The following RGS20 variants were observed in gnomAD, a reference collection of about 807,000 sequenced individuals.
RGS20 encodes regulator of G protein signaling 20.
RGS20 carries 30 observed loss-of-function variants against 33.6 expected under a neutral mutation model. The observed-to-expected ratio is 0.89, with a 90% CI of 0.67 to 1.21. The LOEUF (loss-of-function observed/expected upper bound fraction) is 1.21, where lower values mean the gene tolerates loss of function less well. RGS20 is among the 50% of genes most tolerant of loss of function. The probability of loss-of-function intolerance (pLI) is 0.00; values close to 1 mark genes in which losing one functional copy is unlikely to be tolerated. For missense variants in RGS20, 472 were observed against 502.4 expected (o/e 0.94, Z 0.58); for synonymous variants, 208 against 197.9 (o/e 1.05, Z -0.43).
chr8:53,929,629 T>C (rs1174372030), intron 2 of RGS20, among the ~76,000 whole-genome samples: 1 of 152,136 alleles, frequency 6.6e-6, no homozygotes, highest in Non-Finnish European at 1.5e-5. Context: ...GATCGCACCA[T>C]TGCACTCCAG....
At chr8:53,899,718 G>C (rs1186993608) in intron 2 of RGS20, among the ~76,000 whole-genome samples, 1 of 152,184 alleles carries the variant, frequency 6.6e-6, no homozygotes, top group East Asian at 1.9e-4. Flanking sequence ...TGTTTGCACA[G>C]TTCAGCCATG....
chr8:53,912,464 T>C (rs1813372366), intron 2 of RGS20, among the ~76,000 whole-genome samples: 1 of 152,124 alleles, frequency 6.6e-6, no homozygotes, highest in Admixed American at 6.5e-5. Flanking sequence ...AATTTTAATA[T>C]TTATTCTTGA....
At chr8:53,858,490 A>T (rs1194663869) in intron 1 of RGS20, among the ~76,000 whole-genome samples, 1 of 148,116 alleles carries the variant, frequency 6.8e-6, no homozygotes. Context: ...ATATATATAC[A>T]TATATATATA....
chr8:53,856,496 G>A (rs187475122), intron 1 of RGS20, among the ~76,000 whole-genome samples: 7 of 152,280 alleles, frequency 4.6e-5, no homozygotes, highest in Middle Eastern at 3.4e-3. Flanking sequence ...TGAGATTACA[G>A]GCGTGAGCCA....
In RGS20 at chr8:53,879,419, C is replaced by T. The variant is rs1812288995; in HGVS notation, c.327C>T (p.Pro109=). 2 of 1,608,252 alleles carry T rather than the reference C, an allele frequency of 1.2e-6. No individual in the cohort carries two copies. Among genetic ancestry groups the T allele is most frequent in the Non-Finnish European group, 1.7e-6 (2 of 1,178,100 alleles). The stretch of plus-strand genomic sequence containing the variant: ...GCCTGGACTTCTCCCCCCTGCTTCC[C>T]GCCCTGCCGGCCGCCCGGCTCTCGA... Residue 109 remains proline (P), a synonymous_variant, in exon 2 of 6, where the codon CCC becomes CCT. Coordinates refer to ENST00000297313, the MANE Select transcript of RGS20 (RefSeq NM_170587.4).
At chr8:53,864,972 A>G (rs1461459677) in intron 1 of RGS20, among the ~76,000 whole-genome samples, 1 of 152,208 alleles carries the variant, frequency 6.6e-6, no homozygotes, top group African/African-American at 2.4e-5. Context: ...GTCCAACTCA[A>G]AGAAATCAAT....
intron 1 of RGS20, among the ~76,000 whole-genome samples, chr8:53,872,950 A>G (rs1463410822): frequency 6.6e-6 from 1 of 152,082 alleles, no homozygotes; most frequent in Non-Finnish European, 1.5e-5. Context: ...TGTAGTTCAG[A>G]TGTTGTCTCC....
intron 1 of RGS20, among the ~76,000 whole-genome samples, chr8:53,867,517 C>T (rs150767165): frequency 9.2e-5 from 14 of 152,262 alleles, no homozygotes; most frequent in East Asian, 1.9e-4. Flanking sequence ...CATTACTTGA[C>T]GCAGATCCTG....
At chr8:53,911,795 G>T (rs1312091421) in intron 2 of RGS20, among the ~76,000 whole-genome samples, 1 of 152,060 alleles carries the variant, frequency 6.6e-6, no homozygotes, top group Non-Finnish European at 1.5e-5. Context: ...AAAAAAATTA[G>T]CTGGTCATGG....
chr8:53,929,788 C>A (rs1011503955), intron 2 of RGS20, among the ~76,000 whole-genome samples: 3 of 152,204 alleles, frequency 2.0e-5, no homozygotes, highest in African/African-American at 7.2e-5. Flanking sequence ...CATTAAAATT[C>A]TTCCAGACAT....
chr8:53,949,734 A>ATCAG (rs1814656306), intron 4 of RGS20, among the ~76,000 whole-genome samples: 1 of 152,006 alleles, frequency 6.6e-6, no homozygotes, highest in Non-Finnish European at 1.5e-5. Flanking sequence ...CAATCAATCA[A>ATCAG]TAAAGGGAGA....
At chr8:53,890,186 T>C (rs1398387340) in intron 2 of RGS20, among the ~76,000 whole-genome samples, 4 of 152,244 alleles carry the variant, frequency 2.6e-5, no homozygotes, top group African/African-American at 9.6e-5. Context: ...GAATATTTTC[T>C]GTTGACCTGT....
chr8:53,886,465 A>T (rs1165058279), intron 2 of RGS20, among the ~76,000 whole-genome samples: 2 of 152,240 alleles, frequency 1.3e-5, no homozygotes, highest in Non-Finnish European at 2.9e-5. Flanking sequence ...GATATTTTAC[A>T]TGAGTTATTT....
intron 2 of RGS20, among the ~76,000 whole-genome samples, chr8:53,882,779 C>G (rs1324808581): frequency 6.6e-6 from 1 of 152,190 alleles, no homozygotes; most frequent in African/African-American, 2.4e-5. Flanking sequence ...CCCTCGCCCA[C>G]TGGCTAGCGG....
Position 53,874,312 on chromosome 8 carries a change from A to G in RGS20, c.166-4946A>G, listed in dbSNP as rs1812143854. 3.9e-5 allele frequency among the ~76,000 whole-genome samples: 6 copies of G among 152,092 alleles called. No homozygotes were observed. The South Asian group carries it at 1.2e-3, about 32-fold the overall frequency. On this transcript the variant is annotated intron_variant, in intron 1 of 5. Transcript: ENST00000297313. ...AAATATGGCAAACGGAAGGAGAAAG[A>G]TCAGTGAAAGGTGTGCATTAGTCAA...
At chr8:53,879,611 C>T (rs1290583786) in intron 2 of RGS20, 6 of 1,477,336 alleles carry the variant, frequency 4.1e-6, no homozygotes, top group South Asian at 2.8e-5. Context: ...CGGTGAGTAC[C>T]GTGGTCTCCA....
intron 1 of RGS20, among the ~76,000 whole-genome samples, chr8:53,854,438 G>C (rs1380698676): frequency 6.6e-6 from 1 of 152,080 alleles, no homozygotes; most frequent in East Asian, 1.9e-4. Context: ...TTTTACTGAA[G>C]AGAATATGCA....
At chr8:53,948,470 T>C (rs1347916983) in intron 4 of RGS20, among the ~76,000 whole-genome samples, 5 of 137,556 alleles carry the variant, frequency 3.6e-5, no homozygotes, top group Admixed American at 7.6e-5. Context: ...TGATACAGTA[T>C]ATATTTACAT....
At chr8:53,915,636 C>A (rs1813462364) in intron 2 of RGS20, among the ~76,000 whole-genome samples, 1 of 152,210 alleles carries the variant, frequency 6.6e-6, no homozygotes, top group South Asian at 2.1e-4. Flanking sequence ...ACCAGGCCCT[C>A]CCATTGAGTC....
Sources: allele counts gnomAD v4.1 joint callset (sites outside exome capture counted in the v4.1 genomes callset), GRCh38; gene constraint gnomAD v4.1.1; transcripts MANE v1.5; gene names NCBI Gene and HGNC (gene_info 2026-07-23, HGNC 2026-07-21).